SERINC2: variants seen among roughly 807,000 people sequenced by gnomAD.
SERINC2 encodes serine incorporator 2.
Under a neutral mutation model 54.2 loss-of-function variants are expected in SERINC2, and 56 were observed. The ratio of observed to expected loss-of-function variants is 1.03; its 90% confidence interval spans 0.83 to 1.29. SERINC2 has a LOEUF of 1.29. Ranked by LOEUF, SERINC2 falls within the 50% of genes most tolerant of loss-of-function variation. The probability of loss-of-function intolerance (pLI) is 0.00; values close to 1 mark genes in which losing one functional copy is unlikely to be tolerated. For missense variants in SERINC2, 614 were observed against 607.4 expected, an observed-to-expected ratio of 1.01 and a Z score of -0.12; for synonymous variants, 272 against 253.1, an observed-to-expected ratio of 1.07 and a Z score of -0.71.
chr1:31,409,997 T>C, upstream of SERINC2: 2 of 974,332 alleles, frequency 2.1e-6, no homozygotes, highest in South Asian at 1.7e-5. Flanking sequence ...CAGAGTCTGC[T>C]TCCTTTGGGA....
At chr1:31,428,085 G>C (rs1212430881) in intron 6 of SERINC2, among the ~76,000 whole-genome samples, 4 of 151,668 alleles carry the variant, frequency 2.6e-5, no homozygotes, top group Non-Finnish European at 5.9e-5. Context: ...ACTTAGGCTG[G>C]AGTGCAGTGG....
chr1:31,412,066 A>AAG (rs2148508450), upstream of SERINC2, among the ~76,000 whole-genome samples: 1 of 151,676 alleles, frequency 6.6e-6, no homozygotes, highest in Non-Finnish European at 1.5e-5. Flanking sequence ...GGAGGAGGAA[A>AAG]AGTATAGGGT....
intron 1 of SERINC2, among the ~76,000 whole-genome samples, chr1:31,416,219 C>T (rs1640778229): frequency 6.6e-6 from 1 of 152,168 alleles, no homozygotes; most frequent in African/African-American, 2.4e-5. Flanking sequence ...GCATATTTAG[C>T]ACCAAGCTGG....
chr1:31,417,008 C>T (rs1306666561), intron 1 of SERINC2, among the ~76,000 whole-genome samples: 1 of 152,222 alleles, frequency 6.6e-6, no homozygotes, highest in Non-Finnish European at 1.5e-5. Flanking sequence ...GCATGAGCCA[C>T]CACACCCAGC....
At chr1:31,432,156 C>CAGGGTGGTTAGGGTGGAT (rs1641301933) in intron 8 of SERINC2, among the ~76,000 whole-genome samples, 1 of 4,558 alleles carries the variant, frequency 2.2e-4, no homozygotes, top group African/African-American at 9.0e-4. Flanking sequence ...ACAGGGTGGA[C>CAGGGTGGTTAGGGTGGAT]AGGGTGGATA....
At chr1:31,417,790 A>G (rs1269298305) in intron 1 of SERINC2, among the ~76,000 whole-genome samples, 1 of 144,604 alleles carries the variant, frequency 6.9e-6, no homozygotes, top group Non-Finnish European at 1.5e-5. Context: ...TGTCTGGCTT[A>G]TTTCACTTAG....
At chr1:31,428,070 C>G (rs948669609) in intron 6 of SERINC2, among the ~76,000 whole-genome samples, 4 of 151,464 alleles carry the variant, frequency 2.6e-5, no homozygotes. Context: ...GAATCTTGCT[C>G]TGTCACTTAG....
At chr1:31,410,286 G>A, upstream of SERINC2, 4 of 1,517,194 alleles carry the variant, frequency 2.6e-6, no homozygotes, top group Non-Finnish European at 3.5e-6. Context: ...GGGCTGGCCA[G>A]GACACCAAGA....
chr1:31,423,121 A>G (rs1211016394), intron 1 of SERINC2, among the ~76,000 whole-genome samples: 1 of 152,254 alleles, frequency 6.6e-6, no homozygotes, highest in Non-Finnish European at 1.5e-5. Flanking sequence ...CAATGAACAA[A>G]ACGCAAAAAT....
chr1:31,433,219 A>AGGTGCAG (rs1553135133), intron 9 of SERINC2, 34 bp downstream of exon 9: 3 of 1,572,006 alleles, frequency 1.9e-6, no homozygotes, highest in Admixed American at 1.7e-5. Flanking sequence ...CAGAGCCCGG[A>AGGTGCAG]GGTGCAGGGT....
At chr1:31,418,202 G>A (rs1245607037) in intron 1 of SERINC2, among the ~76,000 whole-genome samples, 1 of 152,042 alleles carries the variant, frequency 6.6e-6, no homozygotes, top group African/African-American at 2.4e-5. Context: ...GTATGGATAT[G>A]GATATACCAC....
In SERINC2 at chr1:31,429,133, G is replaced by A. The variant is rs1163372899; in HGVS notation, c.871+65G>A. 3 of 1,419,718 alleles carry A rather than the reference G, an allele frequency of 2.1e-6. No individual in the cohort carries two copies. In the African/African-American group the frequency reaches 4.2e-5, roughly 20 times the overall value. 87.9% of individuals were successfully genotyped at this position (1,419,718 alleles called of 1,614,324 possible). A position where few individuals can be genotyped will look rare whatever the true frequency, so the allele number is the denominator to read the frequency against. On this transcript the variant is annotated intron_variant, in intron 7 of 9. Transcript: ENST00000373709. The stretch of plus-strand genomic sequence containing the variant: ...CCTGGGTCAGTATCAGTCTACTGTG[G>A]GGCTGGGGACCCTCACAGGTGACAG...
intron 4 of SERINC2, 75 bp downstream of exon 4, chr1:31,425,484 G>A: frequency 8.8e-7 from 1 of 1,137,632 alleles, no homozygotes; most frequent in Non-Finnish European, 1.3e-6. Context: ...AACGTGGTGG[G>A]GCTGCTCTTT....
chr1:31,421,924 C>G (rs1407524794), intron 1 of SERINC2, among the ~76,000 whole-genome samples: 1 of 152,216 alleles, frequency 6.6e-6, no homozygotes, highest in Non-Finnish European at 1.5e-5. Context: ...AGCCACCTGT[C>G]TAGAACTTTC....
rs374158895 is a variant in SERINC2 at position 31,426,842 on chromosome 1, C to G, written c.780+19C>G. On this transcript the variant is annotated intron_variant, in intron 6 of 9. Transcript: ENST00000373709. ...GGTCCAGGTGAGCCTGCCTGACCCC[C>G]CCTGGCCTGAAGCCCGGCCCCTTAG... 57 of 1,608,196 alleles carry G rather than the reference C, an allele frequency of 3.5e-5. No homozygotes were observed. The East Asian group carries it at 3.6e-4, about 10-fold the overall frequency.
Position 31,413,451 on chromosome 1 carries a change from C to T in SERINC2, c.39+147C>T, listed in dbSNP as rs1640695526. ...GCCGGTGCCCCGCCTGCTCGCCCTCCTGGACCTTCACTCGGCACCCGGATC... is the reference window on the plus strand; with the variant it reads ...GCCGGTGCCCCGCCTGCTCGCCCTCTTGGACCTTCACTCGGCACCCGGATC... On this transcript the variant is annotated intron_variant, in intron 1 of 9. Coordinates refer to ENST00000373709, the MANE Select transcript of SERINC2 (RefSeq NM_178865.5). The surrounding 1 kb of genome is among the most constrained non-coding windows in gnomAD (Gnocchi z 5.0). 2 of 385,734 alleles carry T rather than the reference C, an allele frequency of 5.2e-6. No homozygotes were observed. Among genetic ancestry groups the T allele is most frequent in the Admixed American group, 1.0e-4 (2 of 19,938 alleles). The allele number at this position is 385,734 out of a possible 1,614,324, so 23.9% of individuals were successfully genotyped here. A position where few individuals can be genotyped will look rare whatever the true frequency, so the allele number is the denominator to read the frequency against.
In SERINC2 at chr1:31,423,798, G is replaced by T. The variant is rs143577376; in HGVS notation, c.145G>T (p.Gly49Trp). 1.6e-3 allele frequency: 2,566 copies of T among 1,614,050 alleles called. 4 individuals carry two copies. The highest frequency in any genetic ancestry group is 2.1e-3 in the Non-Finnish European group (2,453 of 1,180,014). The change falls in exon 2 of 10, where the codon GGG becomes TGG. Residue 49 changes from glycine to tryptophan, a missense_variant. Transcript: ENST00000373709. Reference sequence around the variant, plus strand: ...CATCTTCACGTTCTTCCTCTTCCTGGGGGTGCTGGTGTCCATCATTATGCT... The same window carrying T: ...CATCTTCACGTTCTTCCTCTTCCTGTGGGTGCTGGTGTCCATCATTATGCT... ...RLIFTFFLFL[G>W]VLVSIIMLSP... is the part of the protein sequence containing the mutation.
At chr1:31,424,236 G>A (rs1233958166) in intron 2 of SERINC2, among the ~76,000 whole-genome samples, 1 of 152,132 alleles carries the variant, frequency 6.6e-6, no homozygotes, top group Non-Finnish European at 1.5e-5. Context: ...ACACATTTTA[G>A]TGTGTATAAA....
At chr1:31,414,766 C>A (rs567262816) in intron 1 of SERINC2, 55 of 985,330 alleles carry the variant, frequency 5.6e-5, no homozygotes, top group Non-Finnish European at 6.5e-5. Flanking sequence ...TGATTTCCAT[C>A]GGTTGCACCT....
Sources: allele counts gnomAD v4.1 joint callset (sites outside exome capture counted in the v4.1 genomes callset), GRCh38; gene constraint gnomAD v4.1.1; non-coding constraint Gnocchi (gnomAD v3.1); transcripts MANE v1.5; gene names NCBI Gene and HGNC (gene_info 2026-07-23, HGNC 2026-07-21).